Variants in LRRC41 observed in about 807,000 individuals in gnomAD.
The protein encoded by LRRC41 is leucine-rich repeat-containing protein 41.
In LRRC41, 17 loss-of-function variants were observed where a neutral mutation model predicts 72.1. The observed-to-expected ratio is 0.24, with a 90% CI of 0.16 to 0.35. The LOEUF (loss-of-function observed/expected upper bound fraction) is 0.35, where lower values mean the gene tolerates loss of function less well. LRRC41 is among the 10% of genes least tolerant of loss of function. LRRC41 has a pLI of 1.00. For missense variants in LRRC41, 759 were observed against 1,065.0 expected (o/e 0.71, Z 4.00); for synonymous variants, 427 against 431.0 (o/e 0.99, Z 0.11).
chr1:46,278,176 G>T lies in LRRC41; in HGVS notation c.*689C>A, dbSNP rs773031247. 7.6e-5 allele frequency: 123 copies of T among 1,613,646 alleles called. No homozygotes were observed. Among genetic ancestry groups the T allele is most frequent in the Non-Finnish European group, 1.0e-4 (118 of 1,179,898 alleles). Reference sequence around the variant, plus strand: ...GGGTGGAACCACTGCACTGATAAGTGGGGGCTCCGGGATGAGGTACTCCAG... The same window carrying T: ...GGGTGGAACCACTGCACTGATAAGTTGGGGCTCCGGGATGAGGTACTCCAG... On this transcript the variant is annotated 3_prime_UTR_variant, in exon 10 of 10. Coordinates refer to ENST00000617190, the MANE Select transcript of LRRC41 (RefSeq NM_006369.5).
Position 46,302,947 on chromosome 1 carries a change from G to A in LRRC41, c.199+177C>T, listed in dbSNP as rs575696624. On this transcript the variant is annotated intron_variant, in intron 1 of 9. Coordinates refer to ENST00000617190, the MANE Select transcript of LRRC41 (RefSeq NM_006369.5). The surrounding 1 kb of genome is among the most constrained non-coding windows in gnomAD (Gnocchi z 4.7). ...GGTCAGCCTGCCCATTTAGGTCTCC[G>A]TCTTTACTCTGTCCAGCCCTGTCAG... 5 of 983,720 alleles carry A rather than the reference G, an allele frequency of 5.1e-6. No homozygotes were observed. The East Asian group carries it at 3.5e-4, about 68-fold the overall frequency. The allele number at this position is 983,720 out of a possible 1,614,324, so 60.9% of individuals were successfully genotyped here.
rs1190553828 is a variant in LRRC41, at chr1:46,281,150, G to A, written c.1731C>T (p.His577=). Residue 577 remains histidine, a synonymous_variant, in exon 5 of 10, where the codon CAC becomes CAT. Transcript: ENST00000617190. The part of the protein sequence containing the change: ...GVPGNAGPPS[H]IIGDEEIPEN... ...CTGGTATCTCCTCATCGCCTATTAT[G>A]TGGCTAGGGGGCCCTGCATTCCCTG... 6 of 1,613,890 alleles carry A rather than the reference G, an allele frequency of 3.7e-6. No homozygotes were observed. Among genetic ancestry groups the A allele is most frequent in the African/African-American group, 1.3e-5 (1 of 74,928 alleles).
intron 3 of LRRC41, among the ~76,000 whole-genome samples, chr1:46,296,398 C>T (rs115363276): frequency 3.9e-5 from 6 of 152,230 alleles, no homozygotes; most frequent in Admixed American, 1.3e-4. Context: ...GCGTGGACAA[C>T]AAGGGCAAAA....
chr1:46,302,598 C>A lies in LRRC41; in HGVS notation c.199+526G>T. ...ATCTGCTGTCCTCCCCTCCGCCCAT[C>A]GGCTTGGCCTCCGGAATCTCGACCC... On this transcript the variant is annotated intron_variant, in intron 1 of 9. Coordinates refer to ENST00000617190, the MANE Select transcript of LRRC41 (RefSeq NM_006369.5). This position sits in a 1 kb window ranked among gnomAD's most constrained non-coding sequence, Gnocchi z 4.7. The A allele has an allele frequency of 1.0e-6, 1 of 985,322 alleles. No homozygotes were observed. The highest frequency in any genetic ancestry group is 1.2e-6 in the Non-Finnish European group (1 of 829,884). The allele number at this position is 985,322 out of a possible 1,614,324, so 61.0% of individuals were successfully genotyped here.
In LRRC41 at chr1:46,278,607, G is replaced by T; in HGVS notation, c.*258C>A. The T allele has an allele frequency of 1.6e-6, 1 of 606,544 alleles. No individual in the cohort carries two copies. The highest frequency in any genetic ancestry group is 2.8e-5 in the East Asian group (1 of 36,240). 37.6% of individuals were successfully genotyped at this position (606,544 alleles called of 1,614,324 possible). A position where few individuals can be genotyped will look rare whatever the true frequency, so the allele number is the denominator to read the frequency against. On this transcript the variant is annotated 3_prime_UTR_variant, in exon 10 of 10. Coordinates refer to ENST00000617190, the MANE Select transcript of LRRC41 (RefSeq NM_006369.5). ...AGGGGATCTCTTCAGCAATTATGAT[G>T]ACCACTGTAACCTCCTGGCCCAGGG...
rs1661256542 is a variant in LRRC41, at chr1:46,302,417, T to C, written c.199+707A>G. The C allele has an allele frequency of 6.1e-6, 6 of 985,332 alleles. No homozygotes were observed. The highest frequency in any genetic ancestry group is 7.2e-6 in the Non-Finnish European group (6 of 829,900). The allele number at this position is 985,332 out of a possible 1,614,324, so 61.0% of individuals were successfully genotyped here. On this transcript the variant is annotated intron_variant, in intron 1 of 9. Transcript: ENST00000617190. The surrounding 1 kb of genome is among the most constrained non-coding windows in gnomAD (Gnocchi z 4.7). ...TCCGAGTGGCCTCCGGCGCTCCCTG[T>C]CCTGCGGGTCGCACGGTCGCTCGGT...
intron 3 of LRRC41, among the ~76,000 whole-genome samples, chr1:46,296,167 C>G (rs1661121947): frequency 6.6e-6 from 1 of 152,204 alleles, no homozygotes; most frequent in South Asian, 2.1e-4. Flanking sequence ...GTAATCCCAG[C>G]ACTTTTGGAG....
intron 3 of LRRC41, among the ~76,000 whole-genome samples, chr1:46,291,022 T>G (rs1661005245): frequency 6.7e-6 from 1 of 149,396 alleles, no homozygotes; most frequent in Non-Finnish European, 1.5e-5. Flanking sequence ...TCTCCCAGGT[T>G]CAAGCTATTC....
intron 3 of LRRC41, among the ~76,000 whole-genome samples, chr1:46,290,228 C>T (rs1660978791): frequency 6.6e-6 from 1 of 152,066 alleles, no homozygotes; most frequent in Non-Finnish European, 1.5e-5. Context: ...GGCAATGTGA[C>T]AAAACCCTAT....
At chr1:46,281,002 T>G (rs1359608520) in intron 5 of LRRC41, 123 bp downstream of exon 5, 1 of 1,363,324 alleles carries the variant, frequency 7.3e-7, no homozygotes, top group African/African-American at 1.4e-5. Flanking sequence ...GGGGATAGGT[T>G]CCAGATAAGC....
At chr1:46,284,882 C>T (rs1660852616) in intron 4 of LRRC41, 1 of 165,696 alleles carries the variant, frequency 6.0e-6, no homozygotes, top group Non-Finnish European at 1.3e-5. Flanking sequence ...CTGGATTTAG[C>T]CAGAGTTGAG....
Position 46,277,641 on chromosome 1 carries a change from G to T in LRRC41, c.*1224C>A. On this transcript the variant is annotated 3_prime_UTR_variant, in exon 10 of 10. Transcript: ENST00000617190. The stretch of plus-strand genomic sequence containing the variant: ...GACTATTCATGTCATGTTCTCAGGA[G>T]ACAGACTGGGAAAATGGACCTCAGC... 2 of 725,450 alleles carry T rather than the reference G, an allele frequency of 2.8e-6. No homozygotes were observed. The highest frequency in any genetic ancestry group is 4.6e-6 in the Non-Finnish European group (2 of 433,418). The allele number at this position is 725,450 out of a possible 1,614,324, so 44.9% of individuals were successfully genotyped here. A position where few individuals can be genotyped will look rare whatever the true frequency, so the allele number is the denominator to read the frequency against.
At position 46,279,252 on chromosome 1, in the gene LRRC41, C is replaced by G. The variant is rs748107241; in HGVS notation, c.2149G>C (p.Ala717Pro). ...LRLPGNRLGN[A>P]GLLALADVFS... is the part of the protein sequence containing the mutation. ...ACATCTGCCAAGGCCAGCAGGCCAG[C>G]ATTCCCTGGAGAGAAGGGGAGAACG... Residue 717 changes from alanine (A) to proline (P), a missense_variant, in exon 9 of 10, where the codon GCT becomes CCT. Physicochemically the swap from Ala to Pro is conservative, Grantham distance 27 (BLOSUM62 -1). Transcript: ENST00000617190. This position sits in a 1 kb window ranked among gnomAD's most constrained non-coding sequence, Gnocchi z 4.5. 2 of 1,614,052 alleles carry G rather than the reference C, an allele frequency of 1.2e-6. No individual in the cohort carries two copies. Among genetic ancestry groups the G allele is most frequent in the Non-Finnish European group, 1.7e-6 (2 of 1,180,012 alleles).
chr1:46,286,000 G>A lies in LRRC41; in HGVS notation c.857C>T (p.Ser286Leu). The change falls in exon 4 of 10, where the codon TCA (serine) becomes TTA (leucine). Residue 286 changes from serine to leucine, a missense_variant. Transcript: ENST00000617190. The surrounding 1 kb of genome is among the most constrained non-coding windows in gnomAD (Gnocchi z 5.3). ...AGCAGCATCCCGGCGGGGCCGACGT[G>A]AGCCCAATAAGAGGGACCCTTCATC... is the stretch of plus-strand genomic sequence containing the variant. ...SRDEGSLLLG[S>L]RRPRRDAAER... 1 of 1,555,342 alleles carries A rather than the reference G, an allele frequency of 6.4e-7. No individual in the cohort carries two copies. Among genetic ancestry groups the A allele is most frequent in the Non-Finnish European group, 8.7e-7 (1 of 1,150,564 alleles).
At chr1:46,301,108 C>G (rs1661213198) in intron 1 of LRRC41, among the ~76,000 whole-genome samples, 1 of 152,076 alleles carries the variant, frequency 6.6e-6, no homozygotes, top group African/African-American at 2.4e-5. Context: ...AGCCTTACCC[C>G]TTTTCCCTCC....
chr1:46,298,390 AG>A lies in LRRC41; in HGVS notation c.200-21del. 6.4e-7 allele frequency: 1 copy of A among 1,556,388 alleles called. No individual in the cohort carries two copies. Among genetic ancestry groups the A allele is most frequent in the Non-Finnish European group, 8.8e-7 (1 of 1,132,950 alleles). The stretch of plus-strand genomic sequence containing the variant: ...GGAGGGCTACAAAAATCAAAACAAA[AG>A]TTTACTTTTCCTCCCCTCCCCCTCC... On this transcript the variant is annotated intron_variant, in intron 1 of 9. Transcript: ENST00000617190.
chr1:46,280,420 C>G lies in LRRC41; in HGVS notation c.1897G>C (p.Gly633Arg). Reference protein sequence around the residue: ...SATFASPQDFGLVLQTLKEYN... With the variant: ...SATFASPQDFRLVLQTLKEYN... Reference sequence around the variant, plus strand: ...CCTTTGAGTGTTTGCAAAACAAGCCCAAAATCCTGGGGAGAGGCAAAGGTG... The same window carrying G: ...CCTTTGAGTGTTTGCAAAACAAGCCGAAAATCCTGGGGAGAGGCAAAGGTG... The change falls in exon 6 of 10, where the codon GGG becomes CGG. Residue 633 changes from glycine to arginine, a missense_variant. This residue lies in a region of LRRC41 where 427 missense variants were observed against 520.9 expected (regional missense o/e 0.82). Transcript: ENST00000617190. 1 of 1,614,174 alleles carries G rather than the reference C, an allele frequency of 6.2e-7. No homozygotes were observed. The highest frequency in any genetic ancestry group is 8.5e-7 in the Non-Finnish European group (1 of 1,180,036).
At position 46,277,766 on chromosome 1, in the gene LRRC41, A is replaced by T; in HGVS notation, c.*1099T>A. 6.5e-7 allele frequency: 1 copy of T among 1,543,828 alleles called. No individual in the cohort carries two copies. Among genetic ancestry groups the T allele is most frequent in the South Asian group, 1.1e-5 (1 of 89,582 alleles). On this transcript the variant is annotated 3_prime_UTR_variant, in exon 10 of 10. Transcript: ENST00000617190. ...TTGGTTTTCCTGCTCCCTTTTTATG[A>T]GGATGGCTAAGCGCTGTATCTTTTG...
At position 46,302,431 on chromosome 1, in the gene LRRC41, C is replaced by A. The variant is rs1000106401; in HGVS notation, c.199+693G>T. On this transcript the variant is annotated intron_variant, in intron 1 of 9. Coordinates refer to ENST00000617190, the MANE Select transcript of LRRC41 (RefSeq NM_006369.5). This position sits in a 1 kb window ranked among gnomAD's most constrained non-coding sequence, Gnocchi z 4.7. Reference sequence around the variant, plus strand: ...GGCGCTCCCTGTCCTGCGGGTCGCACGGTCGCTCGGTCGCTTAGTCAGTTT... The same window carrying A: ...GGCGCTCCCTGTCCTGCGGGTCGCAAGGTCGCTCGGTCGCTTAGTCAGTTT... 1.0e-6 allele frequency: 1 copy of A among 985,268 alleles called. No homozygotes were observed. The highest frequency in any genetic ancestry group is 6.1e-5 in the Admixed American group (1 of 16,274). 61.0% of individuals were successfully genotyped at this position (985,268 alleles called of 1,614,324 possible).
Sources: allele counts gnomAD v4.1 joint callset (sites outside exome capture counted in the v4.1 genomes callset), GRCh38; gene constraint gnomAD v4.1.1; regional missense constraint gnomAD v4.1.1; non-coding constraint Gnocchi (gnomAD v3.1); transcripts MANE v1.5; gene names NCBI Gene and HGNC (gene_info 2026-07-23, HGNC 2026-07-21).